ROBO1: variants seen among roughly 807,000 people sequenced by gnomAD.
ROBO1 encodes roundabout guidance receptor 1, also known as roundabout homolog 1.
A neutral mutation model predicts 195.9 loss-of-function variants in ROBO1; 149 were observed. That is an observed-to-expected ratio of 0.76 (90% CI 0.67 to 0.87). The LOEUF (loss-of-function observed/expected upper bound fraction) is 0.87, where lower values mean the gene tolerates loss of function less well. Among genes scored for constraint, ROBO1 ranks in the 40% least tolerant of loss-of-function variants. ROBO1 has a pLI of 0.00. For synonymous variants in ROBO1, 816 were observed against 733.2 expected, an observed-to-expected ratio of 1.11 and a Z score of -1.82; for missense variants, 1,933 against 2,068.3, an observed-to-expected ratio of 0.93 and a Z score of 1.27.
intron 3 of ROBO1, among the ~76,000 whole-genome samples, chr3:78,990,565 C>T (rs1364858680): frequency 6.6e-6 from 1 of 152,084 alleles, no homozygotes; most frequent in Non-Finnish European, 1.5e-5. Context: ...AAGTATTGTA[C>T]TTGGCACAGG....
intron 3 of ROBO1, among the ~76,000 whole-genome samples, chr3:79,057,241 A>G (rs1164985172): frequency 3.9e-5 from 6 of 152,058 alleles, no homozygotes; most frequent in East Asian, 1.9e-4. Context: ...CAAAAGGCAG[A>G]GTTAATTTCT....
chr3:79,073,632 A>G (rs892420414), intron 3 of ROBO1, among the ~76,000 whole-genome samples: 1 of 152,038 alleles, frequency 6.6e-6, no homozygotes, highest in African/African-American at 2.4e-5. Context: ...AAAAATATAT[A>G]TATGATCTCA....
In ROBO1 at chr3:79,767,974, C is replaced by A. The variant is rs1019035631; in HGVS notation, c.-273G>T. Among the ~76,000 whole-genome samples, 1 of 152,132 alleles carries A rather than the reference C, an allele frequency of 6.6e-6. No homozygotes were observed. Among genetic ancestry groups the A allele is most frequent in the Admixed American group, 6.5e-5 (1 of 15,270 alleles). Reference sequence around the variant, plus strand: ...TCTTCAGTAGAGAATTCTTTCAAACCCGTTATCTGTATTACTATTAATGCG... The same window carrying A: ...TCTTCAGTAGAGAATTCTTTCAAACACGTTATCTGTATTACTATTAATGCG... On this transcript the variant is annotated 5_prime_UTR_variant, in exon 1 of 31. Coordinates refer to ENST00000464233, the MANE Select transcript of ROBO1 (RefSeq NM_002941.4).
Position 78,808,018 on chromosome 3 carries a change from A to G in ROBO1, c.500-61118T>C, listed in dbSNP as rs535934941. 6.6e-5 allele frequency among the ~76,000 whole-genome samples: 10 copies of G among 152,240 alleles called. No individual in the cohort carries two copies. The East Asian group carries it at 1.4e-3, about 21-fold the overall frequency. ...AAGCCCTCATGATGTAAAAACTGAA[A>G]CTTGTCCATTTTTCATGAGACTTTT... is the stretch of plus-strand genomic sequence containing the variant. On this transcript the variant is annotated intron_variant, in intron 4 of 30. Transcript: ENST00000464233.
At chr3:79,260,187 C>A (rs1043448425) in intron 2 of ROBO1, among the ~76,000 whole-genome samples, 1 of 151,436 alleles carries the variant, frequency 6.6e-6, no homozygotes, top group African/African-American at 2.4e-5. Context: ...TTAAAACTGT[C>A]CTAATTATAC....
At chr3:78,793,608 A>G (rs566183306) in intron 4 of ROBO1, among the ~76,000 whole-genome samples, 1 of 152,330 alleles carries the variant, frequency 6.6e-6, no homozygotes, top group East Asian at 1.9e-4. Context: ...CCTGAGTGAC[A>G]AATAAGCCAT....
At chr3:79,061,368 A>T (rs2078914209) in intron 3 of ROBO1, among the ~76,000 whole-genome samples, 1 of 152,172 alleles carries the variant, frequency 6.6e-6, no homozygotes, top group Non-Finnish European at 1.5e-5. Flanking sequence ...AAACAAATGG[A>T]AGAACATTCC....
intron 24 of ROBO1, among the ~76,000 whole-genome samples, chr3:78,631,891 A>C (rs1283773639): frequency 1.3e-5 from 2 of 152,182 alleles, no homozygotes; most frequent in South Asian, 2.1e-4. Flanking sequence ...GTTTTCAGCC[A>C]CTGTTTCTGT....
At chr3:79,238,060 G>A (rs2082447229) in intron 2 of ROBO1, among the ~76,000 whole-genome samples, 1 of 152,076 alleles carries the variant, frequency 6.6e-6, no homozygotes, top group African/African-American at 2.4e-5. Flanking sequence ...CTTTGCTCAG[G>A]CTTCTCTGTG....
At chr3:79,637,653 C>A (rs1003834480) in intron 1 of ROBO1, among the ~76,000 whole-genome samples, 1 of 151,742 alleles carries the variant, frequency 6.6e-6, no homozygotes, top group Non-Finnish European at 1.5e-5. Context: ...ATATGCAGGC[C>A]GTTTTTTATT....
intron 2 of ROBO1, among the ~76,000 whole-genome samples, chr3:79,534,389 C>T (rs187922393): frequency 6.7e-6 from 1 of 149,256 alleles, no homozygotes; most frequent in East Asian, 2.0e-4. Context: ...GCTGTCTAGC[C>T]TAAATTTGTT....
intron 2 of ROBO1, among the ~76,000 whole-genome samples, chr3:79,473,709 G>A (rs1228130083): frequency 6.6e-6 from 1 of 152,060 alleles, no homozygotes; most frequent in African/African-American, 2.4e-5. Flanking sequence ...TCAGAATACT[G>A]AGACAATAAT....
At chr3:79,762,609 A>AACACACACACACACACACACACACACAC (rs60977072) in intron 1 of ROBO1, among the ~76,000 whole-genome samples, 21 of 146,612 alleles carry the variant, frequency 1.4e-4, no homozygotes, top group African/African-American at 4.6e-4. Context: ...ATTCTGGACA[A>AACACACACACACACACACACACACACAC]ACACACACAC....
intron 2 of ROBO1, among the ~76,000 whole-genome samples, chr3:79,534,797 T>C (rs1452188290): frequency 6.6e-6 from 1 of 152,094 alleles, no homozygotes; most frequent in Non-Finnish European, 1.5e-5. Flanking sequence ...TGTCTCCAAA[T>C]AGAATTTGAA....
At chr3:79,306,541 C>T (rs1326647277) in intron 2 of ROBO1, among the ~76,000 whole-genome samples, 1 of 152,204 alleles carries the variant, frequency 6.6e-6, no homozygotes, top group East Asian at 1.9e-4. Flanking sequence ...TCGCATGCCC[C>T]TTAGCGTACC....
intron 3 of ROBO1, among the ~76,000 whole-genome samples, chr3:78,962,699 C>G (rs919477433): frequency 2.6e-5 from 4 of 151,772 alleles, no homozygotes; most frequent in Non-Finnish European, 5.9e-5. Context: ...GTGGCGGCGC[C>G]TGTAGTCCCA....
chr3:79,653,687 T>C (rs1036629005), intron 1 of ROBO1, among the ~76,000 whole-genome samples: 3 of 151,968 alleles, frequency 2.0e-5, no homozygotes, highest in African/African-American at 4.8e-5. Flanking sequence ...GTGTCTGTAG[T>C]AGGCCTAGTA....
At position 78,617,867 on chromosome 3, in the gene ROBO1, C is replaced by T. The variant is rs920741411; in HGVS notation, c.4050G>A (p.Gly1350=). 1 of 1,613,870 alleles carries T rather than the reference C, an allele frequency of 6.2e-7. No homozygotes were observed. Among genetic ancestry groups the T allele is most frequent in the East Asian group, 2.2e-5 (1 of 44,860 alleles). Residue 1350 remains glycine (G), a synonymous_variant, in exon 27 of 31, where the codon GGG becomes GGA. Transcript: ENST00000464233. ...CACTGGAGGCAGGTGTCTGCTCAAGCCCACGTAACAAAAGCCTTCTGGTTT... is the reference window on the plus strand; with the variant it reads ...CACTGGAGGCAGGTGTCTGCTCAAGTCCACGTAACAAAAGCCTTCTGGTTT... The part of the protein sequence containing the change: ...KMQTRRLLLR[G]LEQTPASSVG...
chr3:79,595,607 T>C (rs1231762680), intron 1 of ROBO1, among the ~76,000 whole-genome samples: 1 of 144,886 alleles, frequency 6.9e-6, no homozygotes, highest in Non-Finnish European at 1.5e-5. Context: ...AACCAAACTA[T>C]TGCAACCTTT....
Sources: gnomAD v4.1 joint callset for allele counts (sites outside exome capture counted in the v4.1 genomes callset) on GRCh38, gnomAD v4.1.1 for gene constraint, MANE v1.5 for transcripts, NCBI Gene and HGNC (gene_info 2026-07-23, HGNC 2026-07-21) for gene names.